Variants in MFSD11 observed in about 807,000 individuals in gnomAD.
MFSD11 encodes the protein UNC93-like protein MFSD11.
In MFSD11, 36 loss-of-function variants were observed where a neutral mutation model predicts 53.5. That is an observed-to-expected ratio of 0.67 (90% CI 0.52 to 0.89). MFSD11 has a LOEUF of 0.89. MFSD11 is among the 40% of genes least tolerant of loss of function. The pLI, the probability that MFSD11 is intolerant of heterozygous loss-of-function variation, is 0.00. For missense variants in MFSD11, 530 were observed against 543.9 expected, an observed-to-expected ratio of 0.97 and a Z score of 0.25; for synonymous variants, 186 against 184.9, an observed-to-expected ratio of 1.01 and a Z score of -0.05.
chr17:76,737,271 A>G (rs916871703), upstream of MFSD11: 27 of 1,404,218 alleles, frequency 1.9e-5, no homozygotes, highest in African/African-American at 3.6e-4. Context: ...GACACTGGGA[A>G]AGGCCTTGCC....
At chr17:76,737,313 G>C (rs866421706), upstream of MFSD11, 3 of 1,095,172 alleles carry the variant, frequency 2.7e-6, no homozygotes, top group Non-Finnish European at 3.8e-6. Flanking sequence ...CCGCAGGCTA[G>C]CGCACCTGAG....
At position 76,774,990 on chromosome 17, in the gene MFSD11, C is replaced by A; in HGVS notation, c.875-7C>A. On this transcript the variant is annotated splice_region_variant and splice_polypyrimidine_tract_variant and intron_variant, in intron 10 of 12. Coordinates refer to ENST00000685175, the MANE Select transcript of MFSD11 (RefSeq NM_001242532.5). ...ATTAGTGACGTTTCTGCCATCTTGA[C>A]TTATAGGTGGAAGCCTCTTCGGCCT... The A allele has an allele frequency of 6.2e-7, 1 of 1,612,124 alleles. No homozygotes were observed. The highest frequency in any genetic ancestry group is 8.5e-7 in the Non-Finnish European group (1 of 1,179,022).
intron 8 of MFSD11, among the ~76,000 whole-genome samples, chr17:76,764,137 G>T (rs1568093890): frequency 6.6e-6 from 1 of 152,200 alleles, no homozygotes; most frequent in Non-Finnish European, 1.5e-5. Flanking sequence ...GGGATTACAG[G>T]CGTGGGCCCT....
At chr17:76,794,265 C>T in the MFSD11 span, among the ~76,000 whole-genome samples, 1 of 151,154 alleles carries the variant, frequency 6.6e-6, no homozygotes, top group Non-Finnish European at 1.5e-5. Context: ...GGGTGGATTA[C>T]CTGAGGTCAG....
chr17:76,789,463 G>A, the MFSD11 span, among the ~76,000 whole-genome samples: 1 of 149,964 alleles, frequency 6.7e-6, no homozygotes, highest in African/African-American at 2.4e-5. Context: ...TCATATACCA[G>A]TTAAACTCCC....
the MFSD11 span, among the ~76,000 whole-genome samples, chr17:76,794,706 G>T: frequency 0.23 from 3,709 of 16,004 alleles, 574 homozygotes; most frequent in African/African-American, 0.36. Context: ...TTTTTTTTTT[G>T]TTTTGAGATG....
chr17:76,800,667 T>C, the MFSD11 span, among the ~76,000 whole-genome samples: 1 of 152,232 alleles, frequency 6.6e-6, no homozygotes, highest in Non-Finnish European at 1.5e-5. Context: ...TAGCTGTCTA[T>C]ACACTTTTCT....
chr17:76,772,246 C>T (rs899513716), intron 10 of MFSD11, among the ~76,000 whole-genome samples: 3 of 151,780 alleles, frequency 2.0e-5, no homozygotes, highest in Admixed American at 6.6e-5. Flanking sequence ...CATGGCAAAA[C>T]CCCATCTCTA....
chr17:76,796,528 G>A, the MFSD11 span, among the ~76,000 whole-genome samples: 4 of 152,194 alleles, frequency 2.6e-5, no homozygotes, highest in African/African-American at 9.6e-5. Flanking sequence ...AGCACCAGCT[G>A]GGTGTTCAAC....
At chr17:76,774,894 A>C in intron 10 of MFSD11, 103 bp from the exon 11 acceptor site, 1 of 1,196,014 alleles carries the variant, frequency 8.4e-7, no homozygotes, top group East Asian at 2.4e-5. Flanking sequence ...GAAGAAATTT[A>C]ACAAGTGAGA....
chr17:76,781,946 C>A (rs940311435), downstream of MFSD11, among the ~76,000 whole-genome samples: 1 of 151,736 alleles, frequency 6.6e-6, no homozygotes, highest in Non-Finnish European at 1.5e-5. Context: ...CTCAGTCTCC[C>A]AAGTAGCTAG....
At chr17:76,774,789 A>G (rs1470068913) in intron 10 of MFSD11, among the ~76,000 whole-genome samples, 4 of 152,234 alleles carry the variant, frequency 2.6e-5, no homozygotes, top group Admixed American at 2.6e-4. Context: ...CTGGATAGAA[A>G]TGCAAGTCAT....
chr17:76,743,930 A>T (rs1271983908), intron 6 of MFSD11, among the ~76,000 whole-genome samples: 2 of 152,074 alleles, frequency 1.3e-5, no homozygotes, highest in Non-Finnish European at 2.9e-5. Context: ...TCTATTACTA[A>T]ACTAGGATTA....
intron 9 of MFSD11, among the ~76,000 whole-genome samples, chr17:76,768,340 A>C (rs917972394): frequency 7.2e-5 from 11 of 152,012 alleles, no homozygotes; most frequent in African/African-American, 2.7e-4. Context: ...TTCTAATGAA[A>C]TAGAAGCATG....
At chr17:76,754,132 A>C (rs1327026066) in intron 8 of MFSD11, 45 bp downstream of exon 8, 1 of 1,316,484 alleles carries the variant, frequency 7.6e-7, no homozygotes, top group Admixed American at 2.4e-5. Context: ...TTCAGGAACA[A>C]CTCGGCATTT....
chr17:76,771,662 A>G (rs946330413), intron 10 of MFSD11, among the ~76,000 whole-genome samples: 8 of 152,240 alleles, frequency 5.3e-5, no homozygotes, highest in African/African-American at 1.9e-4. Flanking sequence ...GACAAGGTCT[A>G]TATTGGGCAT....
At chr17:76,803,182 AAC>A in the MFSD11 span, among the ~76,000 whole-genome samples, 17 of 151,360 alleles carry the variant, frequency 1.1e-4, no homozygotes, top group African/African-American at 1.5e-4. Context: ...AAACAAAACA[AAC>A]AAAAAAAAAC....
At chr17:76,791,850 TTTTCTTTTTTC>T in the MFSD11 span, among the ~76,000 whole-genome samples, 4 of 148,030 alleles carry the variant, frequency 2.7e-5, no homozygotes, top group Non-Finnish European at 4.5e-5. Context: ...TGTTTTTTTT[TTTTCTTTTTTC>T]TTTGTGTTCC....
rs532356288 is a variant in MFSD11 at position 76,751,066 on chromosome 17, G to T, written c.642-2981G>T. Among the ~76,000 whole-genome samples the T allele has an allele frequency of 4.0e-5, 6 of 151,876 alleles. No individual in the cohort carries two copies. In the South Asian group the frequency reaches 1.3e-3, roughly 32 times the overall value. ...TCCACCCGCCTTGGCCTCCCAGAGTGCTGGGATTACAGGATAGAAATGTAA... is the reference window on the plus strand; with the variant it reads ...TCCACCCGCCTTGGCCTCCCAGAGTTCTGGGATTACAGGATAGAAATGTAA... On this transcript the variant is annotated intron_variant, in intron 7 of 12. Transcript: ENST00000685175.
Sources: gnomAD v4.1 joint callset for allele counts (sites outside exome capture counted in the v4.1 genomes callset) on GRCh38, gnomAD v4.1.1 for gene constraint, MANE v1.5 for transcripts, NCBI Gene and HGNC (gene_info 2026-07-23, HGNC 2026-07-21) for gene names.